Variants in MYO7B observed in about 807,000 individuals in gnomAD.
The protein encoded by MYO7B is myosin VIIB.
In MYO7B, 212 loss-of-function variants were observed where a neutral mutation model predicts 259.7. The ratio of observed to expected loss-of-function variants is 0.82; its 90% CI spans 0.73 to 0.91. The LOEUF is 0.91. Ranked by LOEUF, MYO7B falls within the 40% of genes least tolerant of loss-of-function variation. The pLI, the probability that MYO7B is intolerant of heterozygous loss-of-function variation, is 0.00. For missense variants in MYO7B, 2,732 were observed against 2,813.5 expected, an observed-to-expected ratio of 0.97 and a Z score of 0.66; for synonymous variants, 1,197 against 1,166.4, an observed-to-expected ratio of 1.03 and a Z score of -0.54.
At position 127,628,467 on chromosome 2, in the gene MYO7B, C is replaced by T; in HGVS notation, c.4556C>T (p.Ala1519Val). 2 of 1,559,286 alleles carry T rather than the reference C, an allele frequency of 1.3e-6. No individual in the cohort carries two copies. The highest frequency in any genetic ancestry group is 8.7e-7 in the Non-Finnish European group (1 of 1,152,896). ...PSSVAIAELVALFLEGLKERS... is the reference protein window; with the variant it reads ...PSSVAIAELVVLFLEGLKERS... ...AGTGTGGCCATCGCTGAGCTGGTGG[C>T]CCTGTTCCTGGAGGGCCTGAAGGAG... Residue 1519 changes from alanine to valine, a missense_variant, in exon 34 of 48, where the codon GCC becomes GTC. This residue lies in a region of MYO7B where 1,906 missense variants were observed against 2,026.4 expected (regional missense o/e 0.94). Coordinates refer to ENST00000409816, the MANE Select transcript of MYO7B (RefSeq NM_001393586.1). This position sits in a 1 kb window ranked among gnomAD's most constrained non-coding sequence, Gnocchi z 4.8.
chr2:127,596,625 C>G (rs1031762118), intron 19 of MYO7B, 69 bp downstream of exon 19: 4 of 1,312,636 alleles, frequency 3.0e-6, no homozygotes, highest in Non-Finnish European at 4.3e-6. Context: ...GGCCTGCAGC[C>G]CACAAACCAG....
intron 19 of MYO7B, among the ~76,000 whole-genome samples, chr2:127,602,220 A>G (rs942622792): frequency 1.3e-5 from 2 of 152,226 alleles, no homozygotes; most frequent in Non-Finnish European, 2.9e-5. Flanking sequence ...ACACACAGAG[A>G]GAAAGTATCT....
chr2:127,625,529 C>A lies in MYO7B; in HGVS notation c.4209C>A (p.Cys1403Ter), dbSNP rs141069626. Residue 1403 changes from cysteine (C) to a stop codon, truncating the protein, a stop_gained, in exon 31 of 48, where the codon TGC becomes TGA. Transcript: ENST00000409816. LOFTEE classifies it high-confidence loss of function. ...GGGCGAGCCTCGTCACTGCCGCCTG[C>A]GCCAAGGTCAGCCTGCATGCAGCTC... Reference protein sequence around the residue: ...DRWASLVTAACAKAPYTQKQV... With the variant: ...DRWASLVTAA 1.3e-6 allele frequency: 2 copies of A among 1,598,832 alleles called. No individual in the cohort carries two copies. Among genetic ancestry groups the A allele is most frequent in the South Asian group, 2.2e-5 (2 of 89,338 alleles).
intron 24 of MYO7B, among the ~76,000 whole-genome samples, chr2:127,610,738 A>C (rs1458084782): frequency 1.3e-5 from 2 of 152,234 alleles, no homozygotes; most frequent in African/African-American, 4.8e-5. Flanking sequence ...GCTGGGACTT[A>C]GCTCAATACC....
chr2:127,629,693 CAA>C lies in MYO7B; in HGVS notation c.4675_4676del (p.Lys1559GlufsTer8), dbSNP rs748828389. ...AAGAAGGGGGACCTGTTGGTCCTCA[CAA>C]AGAAGCAGGGGCTGCTGGCCTCTGA... On this transcript the variant is annotated frameshift_variant, in exon 35 of 48. Transcript: ENST00000409816. LOFTEE classifies it high-confidence loss of function. The C allele has an allele frequency of 6.2e-7, 1 of 1,612,438 alleles. No individual in the cohort carries two copies. The highest frequency in any genetic ancestry group is 8.5e-7 in the Non-Finnish European group (1 of 1,179,444).
chr2:127,636,035 C>A lies in MYO7B; in HGVS notation c.6006+128C>A. On this transcript the variant is annotated intron_variant, in intron 44 of 47. Transcript: ENST00000409816. This position sits in a 1 kb window ranked among gnomAD's most constrained non-coding sequence, Gnocchi z 4.5. ...ATGGGTGGTGTGGAGGGTGGGCTGG[C>A]TCTGCACACACCACGCCTTCCTATG... 8.1e-7 allele frequency: 1 copy of A among 1,228,076 alleles called. No homozygotes were observed. 76.1% of individuals were successfully genotyped at this position (1,228,076 alleles called of 1,614,324 possible). A position where few individuals can be genotyped will look rare whatever the true frequency, so the allele number is the denominator to read the frequency against.
At chr2:127,588,636 T>C in intron 15 of MYO7B, 81 bp downstream of exon 15, 2 of 1,547,466 alleles carry the variant, frequency 1.3e-6, no homozygotes, top group Non-Finnish European at 1.8e-6. Flanking sequence ...AAGACTGTTT[T>C]ACTCACCTCT....
chr2:127,568,597 T>C (rs1197705687), intron 5 of MYO7B, among the ~76,000 whole-genome samples: 1 of 152,144 alleles, frequency 6.6e-6, no homozygotes, highest in Non-Finnish European at 1.5e-5. Flanking sequence ...TCATAACTTT[T>C]AAAAAAGGTA....
At position 127,632,167 on chromosome 2, in the gene MYO7B, C is replaced by T. The variant is rs896941781; in HGVS notation, c.5250-79C>T. 8.2e-5 allele frequency: 123 copies of T among 1,492,070 alleles called. 1 individual carries two copies. The African/African-American group carries it at 1.5e-3, about 18-fold the overall frequency. The allele number at this position is 1,492,070 out of a possible 1,614,324, so 92.4% of individuals were successfully genotyped here. ...TCTAGACCCCAGGCAGCTCTCACAT[C>T]CGTCCCTGCTCCCCAAGGTGCCTGC... On this transcript the variant is annotated intron_variant, in intron 38 of 47. Transcript: ENST00000409816.
In MYO7B at chr2:127,631,710, G is replaced by C. The variant is rs199875272; in HGVS notation, c.5206G>C (p.Val1736Leu). 1.2e-4 allele frequency: 198 copies of C among 1,612,864 alleles called. No individual in the cohort carries two copies. Among genetic ancestry groups the C allele is most frequent in the Admixed American group, 2.5e-4 (15 of 59,990 alleles). Residue 1736 changes from valine (V) to leucine (L), a missense_variant, in exon 38 of 48, where the codon GTC (valine) becomes CTC (leucine). Transcript: ENST00000409816. ...GCAGCACCCGGCCCTCCAGGACGAG[G>C]TCTACTGCCAGATCCTGAAGCAGCT... is the stretch of plus-strand genomic sequence containing the variant. Reference protein sequence around the residue: ...ALQHPALQDEVYCQILKQLTH... With the variant: ...ALQHPALQDELYCQILKQLTH...
chr2:127,538,319 T>C (rs771281523), intron 1 of MYO7B, among the ~76,000 whole-genome samples: 1 of 152,182 alleles, frequency 6.6e-6, no homozygotes, highest in Non-Finnish European at 1.5e-5. Context: ...AGAAATGTTC[T>C]CTTCTGCACT....
intron 26 of MYO7B, 25 bp downstream of exon 26, chr2:127,612,628 C>T (rs371453014): frequency 1.2e-6 from 2 of 1,606,268 alleles, no homozygotes; most frequent in Non-Finnish European, 8.5e-7. Context: ...CCATCCCGGC[C>T]CCATTCAGAG....
rs1414812315 is a variant in MYO7B, at chr2:127,571,446, T to TTTTTTTGTTTTTTTTTTG, written c.592+1542_592+1543insGTTTTTTTTTTGTTTTTT. 5.6e-5 allele frequency among the ~76,000 whole-genome samples: 8 copies of TTTTTTTGTTTTTTTTTTG among 143,022 alleles called. 1 individual carries two copies. Among genetic ancestry groups the TTTTTTTGTTTTTTTTTTG allele is most frequent in the Non-Finnish European group, 9.1e-5 (6 of 65,586 alleles). The allele number at this position is 143,022 out of a possible 152,430, so 93.8% of individuals were successfully genotyped here. A position where few individuals can be genotyped will look rare whatever the true frequency, so the allele number is the denominator to read the frequency against. ...GGTCTATTTCCTTACCAGTGAGTTT[T>TTTTTTTGTTTTTTTTTTG]TTTTTTTTTTTTTGCTTGTTTGTTT... On this transcript the variant is annotated intron_variant, in intron 6 of 47. Coordinates refer to ENST00000409816, the MANE Select transcript of MYO7B (RefSeq NM_001393586.1).
intron 16 of MYO7B, among the ~76,000 whole-genome samples, chr2:127,592,572 C>A (rs753794106): frequency 6.7e-6 from 1 of 148,446 alleles, no homozygotes; most frequent in Non-Finnish European, 1.5e-5. Flanking sequence ...GACAACATTA[C>A]GGGTTTTTCA....
Position 127,608,911 on chromosome 2 carries a change from G to A in MYO7B, c.2814+33G>A, listed in dbSNP as rs201131495. Reference sequence around the variant, plus strand: ...AAGCCTGGTGTCCACAATCCGCCCCGGGTGGGGACAGGGAAGCCTGCCCAG... The same window carrying A: ...AAGCCTGGTGTCCACAATCCGCCCCAGGTGGGGACAGGGAAGCCTGCCCAG... On this transcript the variant is annotated intron_variant, in intron 22 of 47. Coordinates refer to ENST00000409816, the MANE Select transcript of MYO7B (RefSeq NM_001393586.1). 2.1e-5 allele frequency: 34 copies of A among 1,593,790 alleles called. No homozygotes were observed. The East Asian group carries it at 3.6e-4, about 17-fold the overall frequency.
chr2:127,584,017 T>C lies in MYO7B; in HGVS notation c.1344-105T>C. The stretch of plus-strand genomic sequence containing the variant: ...AGGTGTGCATCTGTGGGCATATCTG[T>C]ATGCAGCTGTTTGCAGATGGCTGGT... On this transcript the variant is annotated intron_variant, in intron 12 of 47. Coordinates refer to ENST00000409816, the MANE Select transcript of MYO7B (RefSeq NM_001393586.1). This position sits in a 1 kb window ranked among gnomAD's most constrained non-coding sequence, Gnocchi z 5.8. 2.0e-6 allele frequency: 2 copies of C among 987,284 alleles called. No individual in the cohort carries two copies. The highest frequency in any genetic ancestry group is 1.6e-5 in the African/African-American group (1 of 62,672). 61.2% of individuals were successfully genotyped at this position (987,284 alleles called of 1,614,324 possible). A position where few individuals can be genotyped will look rare whatever the true frequency, so the allele number is the denominator to read the frequency against.
In MYO7B at chr2:127,550,536, C is replaced by A. The variant is rs143396159; in HGVS notation, c.-23-9164C>A. On this transcript the variant is annotated intron_variant, in intron 1 of 47. Transcript: ENST00000409816. ...TCACGCAACTGCACTCTAGCCTGGGCAACAGATTAAGACTCTGTCTCCAAA... is the reference window on the plus strand; with the variant it reads ...TCACGCAACTGCACTCTAGCCTGGGAAACAGATTAAGACTCTGTCTCCAAA... Among the ~76,000 whole-genome samples, 60 of 143,420 alleles carry A rather than the reference C, an allele frequency of 4.2e-4. No homozygotes were observed. In the East Asian group the frequency reaches 0.012, roughly 28 times the overall value. 94.1% of individuals were successfully genotyped at this position (143,420 alleles called of 152,430 possible).
rs974770533 is a variant in MYO7B, at chr2:127,608,201, A to G, written c.2644-507A>G. On this transcript the variant is annotated intron_variant, in intron 21 of 47. Coordinates refer to ENST00000409816, the MANE Select transcript of MYO7B (RefSeq NM_001393586.1). ...AACTTGGTCTACTAAGCACACTGCT[A>G]ATACAGTGAACAGGGCAAATGAGAG... Among the ~76,000 whole-genome samples, 43 of 152,342 alleles carry G rather than the reference A, an allele frequency of 2.8e-4. 1 individual carries two copies. Among genetic ancestry groups the G allele is most frequent in the Admixed American group, 1.9e-3 (29 of 15,310 alleles).
At chr2:127,571,340 C>T (rs1678596460) in intron 6 of MYO7B, among the ~76,000 whole-genome samples, 1 of 151,318 alleles carries the variant, frequency 6.6e-6, no homozygotes. Flanking sequence ...CGTCCTTCCT[C>T]ATGCTTACCT....
Sources: gnomAD v4.1 joint callset for allele counts (sites outside exome capture counted in the v4.1 genomes callset) on GRCh38, gnomAD v4.1.1 for gene constraint, gnomAD v4.1.1 regional missense constraint, Gnocchi (gnomAD v3.1) non-coding constraint, MANE v1.5 for transcripts, NCBI Gene and HGNC (gene_info 2026-07-23, HGNC 2026-07-21) for gene names.